The following PEX14 variants were observed in gnomAD, a reference collection of about 807,000 sequenced individuals.
The protein encoded by PEX14 is peroxisomal membrane protein PEX14.
PEX14 carries 15 observed loss-of-function variants against 49.5 expected under a neutral mutation model. The ratio of observed to expected loss-of-function variants is 0.30; its 90% CI spans 0.20 to 0.47. The LOEUF (loss-of-function observed/expected upper bound fraction) is 0.47, where lower values mean the gene tolerates loss of function less well. Ranked by LOEUF, PEX14 falls within the 20% of genes least tolerant of loss-of-function variation. The pLI is 1.00. For missense variants in PEX14, 398 were observed against 494.8 expected (o/e 0.80, Z 1.86); for synonymous variants, 210 against 212.7 (o/e 0.99, Z 0.11).
chr1:10,627,249 G>A (rs1641775939), intron 7 of PEX14, 23 bp from the exon 8 acceptor site: 4 of 1,582,504 alleles, frequency 2.5e-6, no homozygotes, highest in Admixed American at 1.7e-5. Flanking sequence ...CCCGCCCTGA[G>A]CCTCCCTGTG....
At chr1:10,477,792 T>C (rs781234096) in intron 1 of PEX14, among the ~76,000 whole-genome samples, 1 of 152,234 alleles carries the variant, frequency 6.6e-6, no homozygotes, top group Non-Finnish European at 1.5e-5. Context: ...CGGACAGATC[T>C]ACTTAATTTT....
intron 3 of PEX14, among the ~76,000 whole-genome samples, chr1:10,572,344 G>A (rs1222924162): frequency 6.6e-6 from 1 of 152,162 alleles, no homozygotes; most frequent in African/African-American, 2.4e-5. Flanking sequence ...AAATGCAGGA[G>A]GATGTCTCCA....
intron 4 of PEX14, among the ~76,000 whole-genome samples, chr1:10,615,751 C>T (rs894236195): frequency 6.6e-6 from 1 of 152,112 alleles, no homozygotes; most frequent in Non-Finnish European, 1.5e-5. Context: ...GGGTGCCCAT[C>T]GGAGGGCAGG....
chr1:10,482,437 CT>C (rs954442729), intron 1 of PEX14, among the ~76,000 whole-genome samples: 333 of 129,986 alleles, frequency 2.6e-3, no homozygotes, highest in Middle Eastern at 8.9e-3. Flanking sequence ...GCCCATCTTA[CT>C]TTTTTTTTTT....
rs1641929160 is a variant in PEX14 at position 10,514,070 on chromosome 1, G to T, written c.84+18749G>T. On this transcript the variant is annotated intron_variant, in intron 2 of 8. Coordinates refer to ENST00000356607, the MANE Select transcript of PEX14 (RefSeq NM_004565.3). This position sits in a 1 kb window ranked among gnomAD's most constrained non-coding sequence, Gnocchi z 4.4. ...TATAAATTGTAACAGTTAAAGAATG[G>T]TAATGAGTAGCCAAAAAAGAAAAAA... Among the ~76,000 whole-genome samples, 2 of 151,588 alleles carry T rather than the reference G, an allele frequency of 1.3e-5. No homozygotes were observed. Among genetic ancestry groups the T allele is most frequent in the Admixed American group, 1.3e-4 (2 of 15,208 alleles).
intron 2 of PEX14, among the ~76,000 whole-genome samples, chr1:10,519,687 T>C (rs1295697007): frequency 6.6e-6 from 1 of 152,232 alleles, no homozygotes; most frequent in Non-Finnish European, 1.5e-5. Flanking sequence ...CTATGTGGCT[T>C]TCTCTCAGCT....
intron 1 of PEX14, among the ~76,000 whole-genome samples, chr1:10,490,180 T>C (rs1641445893): frequency 6.6e-6 from 1 of 152,208 alleles, no homozygotes; most frequent in South Asian, 2.1e-4. Flanking sequence ...TGCCAAAGCT[T>C]GTGTACTTTC....
intron 3 of PEX14, among the ~76,000 whole-genome samples, chr1:10,540,592 C>G (rs1486491068): frequency 8.3e-6 from 1 of 120,430 alleles, no homozygotes; most frequent in Non-Finnish European, 2.0e-5. Context: ...TTTCCTCCCC[C>G]ATCTCCAGGA....
At chr1:10,483,320 T>G (rs118092789) in intron 1 of PEX14, among the ~76,000 whole-genome samples, 2 of 152,116 alleles carry the variant, frequency 1.3e-5, no homozygotes, top group East Asian at 3.9e-4. Context: ...GCCAAGTTTT[T>G]CTTTTTTTCT....
intron 4 of PEX14, among the ~76,000 whole-genome samples, chr1:10,615,635 G>T (rs1641392046): frequency 6.6e-6 from 1 of 152,230 alleles, no homozygotes; most frequent in South Asian, 2.1e-4. Context: ...ACCACCCTCT[G>T]GGGGTTCTGA....
At position 10,493,962 on chromosome 1, in the gene PEX14, G is replaced by T. The variant is rs139290575; in HGVS notation, c.37-1312G>T. Among the ~76,000 whole-genome samples, 897 of 152,288 alleles carry T rather than the reference G, an allele frequency of 5.9e-3. 8 individuals are homozygous for T. The highest frequency in any genetic ancestry group is 0.02 in the African/African-American group (841 of 41,548). On this transcript the variant is annotated intron_variant, in intron 1 of 8. Transcript: ENST00000356607. ...GCAGTCGGATGTGTATCTCAGAGGGGTGTGGGCTGGAGCTCTAAAGGTTTG... is the reference window on the plus strand; with the variant it reads ...GCAGTCGGATGTGTATCTCAGAGGGTTGTGGGCTGGAGCTCTAAAGGTTTG...
chr1:10,525,074 G>A (rs1638431199), intron 2 of PEX14, among the ~76,000 whole-genome samples: 1 of 152,196 alleles, frequency 6.6e-6, no homozygotes, highest in Admixed American at 6.5e-5. Context: ...TTTAGTGAAA[G>A]GTTGCTGAAT....
At chr1:10,558,210 G>T (rs1052548956) in intron 3 of PEX14, among the ~76,000 whole-genome samples, 159 of 152,118 alleles carry the variant, frequency 1.0e-3, no homozygotes, top group African/African-American at 3.7e-3. Context: ...GTTTCTTCAT[G>T]TTGGTCAGGC....
intron 4 of PEX14, among the ~76,000 whole-genome samples, chr1:10,607,196 C>T (rs1641152201): frequency 6.6e-6 from 1 of 151,962 alleles, no homozygotes; most frequent in Non-Finnish European, 1.5e-5. Context: ...TGCCGAGATT[C>T]ACCCAAATTG....
At position 10,630,167 on chromosome 1, in the gene PEX14, C is replaced by T. The variant is rs1264642681; in HGVS notation, c.*180C>T. ...GGAGTCACACTTCTGTCCACCTGGC[C>T]TCCTCTCGCCTGGCCGCCAGCCCCA... On this transcript the variant is annotated 3_prime_UTR_variant, in exon 9 of 9. Transcript: ENST00000356607. The surrounding 1 kb of genome is among the most constrained non-coding windows in gnomAD (Gnocchi z 4.1). 2.0e-6 allele frequency: 2 copies of T among 978,590 alleles called. No individual in the cohort carries two copies. The highest frequency in any genetic ancestry group is 2.9e-6 in the Non-Finnish European group (2 of 680,380). The allele number at this position is 978,590 out of a possible 1,614,324, so 60.6% of individuals were successfully genotyped here. A position where few individuals can be genotyped will look rare whatever the true frequency, so the allele number is the denominator to read the frequency against.
rs1039752513 is a variant in PEX14 at position 10,539,861 on chromosome 1, G to C, written c.169+3564G>C. Among the ~76,000 whole-genome samples, 2 of 146,950 alleles carry C rather than the reference G, an allele frequency of 1.4e-5. No homozygotes were observed. Among genetic ancestry groups the C allele is most frequent in the Non-Finnish European group, 1.5e-5 (1 of 66,690 alleles). ...TGCTTGCTTGTGAGGGGGGTGAGGT[G>C]GGGGAGGGGGATAGAGTTGTCTGTT... On this transcript the variant is annotated intron_variant, in intron 3 of 8. Transcript: ENST00000356607. The surrounding 1 kb of genome is among the most constrained non-coding windows in gnomAD (Gnocchi z 4.6).
rs1242138001 is a variant in PEX14 at position 10,512,227 on chromosome 1, A to G, written c.84+16906A>G. ...CCCTCCTCGGCCTCCCAAAGTGCTG[A>G]GATTACAGACGTGAGCCACCGTGCC... is the stretch of plus-strand genomic sequence containing the variant. On this transcript the variant is annotated intron_variant, in intron 2 of 8. Transcript: ENST00000356607. This position sits in a 1 kb window ranked among gnomAD's most constrained non-coding sequence, Gnocchi z 4.6. Among the ~76,000 whole-genome samples, 1 of 152,058 alleles carries G rather than the reference A, an allele frequency of 6.6e-6. No homozygotes were observed. The highest frequency in any genetic ancestry group is 1.5e-5 in the Non-Finnish European group (1 of 68,004).
At chr1:10,493,157 C>T (rs980638616) in intron 1 of PEX14, among the ~76,000 whole-genome samples, 1 of 152,126 alleles carries the variant, frequency 6.6e-6, no homozygotes, top group Non-Finnish European at 1.5e-5. Context: ...AGACGTGAGG[C>T]CTTGTAGGCC....
chr1:10,533,565 C>T (rs535813633), intron 2 of PEX14, among the ~76,000 whole-genome samples: 1 of 152,156 alleles, frequency 6.6e-6, no homozygotes, highest in African/African-American at 2.4e-5. Context: ...TTTGCTATAT[C>T]CCCCACGTTC....
Sources: allele counts gnomAD v4.1 joint callset (sites outside exome capture counted in the v4.1 genomes callset), GRCh38; gene constraint gnomAD v4.1.1; non-coding constraint Gnocchi (gnomAD v3.1); transcripts MANE v1.5; gene names NCBI Gene and HGNC (gene_info 2026-07-23, HGNC 2026-07-21).